ARNT2: variants seen among roughly 807,000 people sequenced by gnomAD.
ARNT2 encodes ARNT protein 2.
A neutral mutation model predicts 91.7 loss-of-function variants in ARNT2; 36 were observed. The observed-to-expected ratio is 0.39, with a 90% CI of 0.30 to 0.52. ARNT2 has a LOEUF of 0.52. Ranked by LOEUF, ARNT2 falls within the 20% of genes least tolerant of loss-of-function variation. The pLI is 0.72. For missense variants in ARNT2, 775 were observed against 939.3 expected, an observed-to-expected ratio of 0.83 and a Z score of 2.29; for synonymous variants, 365 against 347.1, an observed-to-expected ratio of 1.05 and a Z score of -0.57.
At chr15:80,548,419 A>G (rs1898025287) in intron 8 of ARNT2, among the ~76,000 whole-genome samples, 1 of 152,200 alleles carries the variant, frequency 6.6e-6, no homozygotes, top group African/African-American at 2.4e-5. Context: ...CACAATTATA[A>G]TAGACATATT....
At chr15:80,578,790 A>G (rs1456481974) in intron 15 of ARNT2, among the ~76,000 whole-genome samples, 1 of 152,132 alleles carries the variant, frequency 6.6e-6, no homozygotes, top group Non-Finnish European at 1.5e-5. Flanking sequence ...TGAATGAATA[A>G]ATGACTGAGT....
intron 3 of ARNT2, among the ~76,000 whole-genome samples, chr15:80,462,307 C>T (rs993688939): frequency 1.3e-5 from 2 of 152,166 alleles, no homozygotes; most frequent in African/African-American, 2.4e-5. Flanking sequence ...TCATAAGGGG[C>T]ATTACTAACA....
rs1444384137 is a variant in ARNT2, at chr15:80,576,973, C to T, written c.1613+8C>T. ...CTCCGGGAAGGCCTTCAGGTATGTG[C>T]CAGCGAGGGGGACAATGGCGTGGGA... On this transcript the variant is annotated splice_region_variant and intron_variant, in intron 15 of 18. Coordinates refer to ENST00000303329, the MANE Select transcript of ARNT2 (RefSeq NM_014862.4). 1.9e-6 allele frequency: 3 copies of T among 1,613,230 alleles called. No homozygotes were observed. The highest frequency in any genetic ancestry group is 2.2e-5 in the South Asian group (2 of 91,052).
At chr15:80,405,043 C>G (rs528536739) in intron 1 of ARNT2, among the ~76,000 whole-genome samples, 1 of 152,232 alleles carries the variant, frequency 6.6e-6, no homozygotes, top group South Asian at 2.1e-4. Context: ...GTCCTTTGCG[C>G]CCTTTGCGAC....
chr15:80,507,322 G>A (rs1488888331), intron 5 of ARNT2, among the ~76,000 whole-genome samples: 1 of 152,124 alleles, frequency 6.6e-6, no homozygotes, highest in African/African-American at 2.4e-5. Context: ...GCAAGGTGGG[G>A]GATGGATGCA....
chr15:80,577,001 A>G, intron 15 of ARNT2, 36 bp downstream of exon 15: 1 of 1,598,748 alleles, frequency 6.3e-7, no homozygotes, highest in East Asian at 2.2e-5. Context: ...GCGTGGGAAG[A>G]TGCTCCCTCA....
chr15:80,511,225 ATGGATG>A (rs763467456), intron 6 of ARNT2, among the ~76,000 whole-genome samples: 5 of 152,190 alleles, frequency 3.3e-5, no homozygotes, highest in Non-Finnish European at 7.4e-5. Flanking sequence ...TGTCCTTTGC[ATGGATG>A]TGGATGCACC....
intron 5 of ARNT2, among the ~76,000 whole-genome samples, chr15:80,507,362 C>T (rs1393317787): frequency 6.6e-6 from 1 of 152,062 alleles, no homozygotes; most frequent in Non-Finnish European, 1.5e-5. Context: ...GATGTGTGTG[C>T]AGGCGGTGAG....
chr15:80,565,285 A>G (rs1029401573), intron 12 of ARNT2, among the ~76,000 whole-genome samples: 1 of 152,226 alleles, frequency 6.6e-6, no homozygotes, highest in East Asian at 1.9e-4. Flanking sequence ...TGTCTTTCCT[A>G]TTAGGAATAG....
intron 5 of ARNT2, among the ~76,000 whole-genome samples, chr15:80,484,702 A>T (rs1896940463): frequency 6.6e-6 from 1 of 152,238 alleles, no homozygotes; most frequent in Admixed American, 6.5e-5. Flanking sequence ...ACAGCAGATA[A>T]AGGAGTCAGA....
chr15:80,437,102 G>A (rs1186847939), intron 1 of ARNT2, among the ~76,000 whole-genome samples: 1 of 152,002 alleles, frequency 6.6e-6, no homozygotes, highest in South Asian at 2.1e-4. Context: ...TTTCCTTTCT[G>A]TATATTCAGG....
At chr15:80,469,558 T>C (rs2141394010) in intron 3 of ARNT2, among the ~76,000 whole-genome samples, 1 of 151,390 alleles carries the variant, frequency 6.6e-6, no homozygotes, top group South Asian at 2.1e-4. Context: ...GTAATAAATA[T>C]GTAAAGATAC....
At chr15:80,475,419 G>T (rs1346044545) in intron 5 of ARNT2, 196 bp downstream of exon 5, 3 of 505,252 alleles carry the variant, frequency 5.9e-6, no homozygotes, top group Admixed American at 3.3e-5. Context: ...AATTTGCCAG[G>T]CGTGGTGGTG....
At chr15:80,530,184 A>G (rs1239654961) in intron 8 of ARNT2, among the ~76,000 whole-genome samples, 1 of 152,164 alleles carries the variant, frequency 6.6e-6, no homozygotes, top group Non-Finnish European at 1.5e-5. Context: ...TGGGTTCCAG[A>G]AAGATATTTC....
chr15:80,486,105 G>C (rs7179983), intron 5 of ARNT2, among the ~76,000 whole-genome samples: 13 of 152,062 alleles, frequency 8.5e-5, no homozygotes, highest in Non-Finnish European at 1.8e-4. Context: ...GCCATTCCTT[G>C]TAGACACATC....
chr15:80,489,003 T>C (rs996258391), intron 5 of ARNT2, among the ~76,000 whole-genome samples: 2 of 152,184 alleles, frequency 1.3e-5, no homozygotes, highest in African/African-American at 2.4e-5. Flanking sequence ...GAAGTAGTAT[T>C]TTTTTAGGCA....
chr15:80,529,568 G>A (rs574180317), intron 8 of ARNT2, among the ~76,000 whole-genome samples: 2 of 148,714 alleles, frequency 1.3e-5, no homozygotes, highest in East Asian at 3.9e-4. Flanking sequence ...TTAGAGTTCA[G>A]AATTTTCACT....
intron 8 of ARNT2, among the ~76,000 whole-genome samples, chr15:80,520,168 T>G (rs1219075652): frequency 6.6e-6 from 1 of 152,128 alleles, no homozygotes; most frequent in Non-Finnish European, 1.5e-5. Flanking sequence ...TTCTGTATTC[T>G]GAAGATAAAA....
chr15:80,554,214 G>A (rs1898135694), intron 10 of ARNT2, among the ~76,000 whole-genome samples: 1 of 152,162 alleles, frequency 6.6e-6, no homozygotes, highest in Admixed American at 6.5e-5. Flanking sequence ...TTAGAGACCA[G>A]CCTGACCAAC....
Sources: allele counts gnomAD v4.1 joint callset (sites outside exome capture counted in the v4.1 genomes callset), GRCh38; gene constraint gnomAD v4.1.1; transcripts MANE v1.5; gene names NCBI Gene and HGNC (gene_info 2026-07-23, HGNC 2026-07-21).